Variants in CCDC33 observed in about 807,000 individuals in gnomAD.
The protein encoded by CCDC33 is coiled-coil domain-containing protein 33.
Under a neutral mutation model 91.9 loss-of-function variants are expected in CCDC33, and 94 were observed. The ratio of observed to expected loss-of-function variants is 1.02; its 90% CI spans 0.87 to 1.21. CCDC33 has a LOEUF of 1.21. Ranked by LOEUF, CCDC33 falls within the 50% of genes most tolerant of loss-of-function variation. The pLI, the probability that CCDC33 is intolerant of heterozygous loss-of-function variation, is 0.00. For synonymous variants in CCDC33, 396 were observed against 374.5 expected, an observed-to-expected ratio of 1.06 and a Z score of -0.66; for missense variants, 940 against 935.5, an observed-to-expected ratio of 1.00 and a Z score of -0.06.
At chr15:74,325,029 A>C (rs1437055501) in intron 11 of CCDC33, among the ~76,000 whole-genome samples, 2 of 125,040 alleles carry the variant, frequency 1.6e-5, no homozygotes, top group Non-Finnish European at 3.3e-5. Context: ...GCCCCCTGCC[A>C]ACCTCCTGCT....
intron 15 of CCDC33, among the ~76,000 whole-genome samples, chr15:74,331,503 C>T (rs1379433443): frequency 2.0e-5 from 3 of 152,172 alleles, no homozygotes; most frequent in Non-Finnish European, 4.4e-5. Context: ...TCCCTCCTTC[C>T]CTGGAAGCCC....
intron 2 of CCDC33, among the ~76,000 whole-genome samples, chr15:74,228,535 C>T (rs1332436387): frequency 6.6e-6 from 1 of 152,180 alleles, no homozygotes; most frequent in African/African-American, 2.4e-5. Flanking sequence ...CTTTGGGGAA[C>T]TTGGAAGCTC....
chr15:74,244,151 A>G lies in CCDC33; in HGVS notation c.185+3A>G. On this transcript the variant is annotated splice_donor_region_variant and intron_variant, in intron 2 of 18. Transcript: ENST00000398814. The surrounding 1 kb of genome is among the most constrained non-coding windows in gnomAD (Gnocchi z 4.2). ...GAGCCGTGGCCCTATGTGGTGGTGT[A>G]AGTAGCTGCGTGAGAGTGGGGGCAG... 4 of 1,606,680 alleles carry G rather than the reference A, an allele frequency of 2.5e-6. No individual in the cohort carries two copies. Among genetic ancestry groups the G allele is most frequent in the Non-Finnish European group, 3.4e-6 (4 of 1,175,272 alleles).
Position 74,328,753 on chromosome 15 carries a change from G to T in CCDC33, c.1291-1436G>T, listed in dbSNP as rs186526405. Among the ~76,000 whole-genome samples, 152 of 152,346 alleles carry T rather than the reference G, an allele frequency of 1.0e-3. 1 individual carries two copies. The highest frequency in any genetic ancestry group is 1.5e-3 in the Non-Finnish European group (102 of 68,030). On this transcript the variant is annotated intron_variant, in intron 11 of 18. Coordinates refer to ENST00000398814, the MANE Select transcript of CCDC33 (RefSeq NM_025055.5). ...GAAGCCATGGCCTGCCATGCAGCAG[G>T]TGGGAGGCAGTGGCTGAGAAGGCAG...
chr15:74,283,594 C>G (rs528156393), intron 10 of CCDC33, among the ~76,000 whole-genome samples: 15 of 152,132 alleles, frequency 9.9e-5, no homozygotes, highest in African/African-American at 3.4e-4. Flanking sequence ...AAAATGCTGC[C>G]GAATTCATTT....
chr15:74,222,515 T>C (rs906878723), intron 2 of CCDC33, among the ~76,000 whole-genome samples: 1 of 131,202 alleles, frequency 7.6e-6, no homozygotes, highest in Non-Finnish European at 1.6e-5. Context: ...CAAGGTTGTT[T>C]TTTTTTTCTT....
At chr15:74,204,089 C>G (rs967737890) in intron 1 of CCDC33, among the ~76,000 whole-genome samples, 34 of 152,212 alleles carry the variant, frequency 2.2e-4, no homozygotes, top group African/African-American at 8.0e-4. Context: ...GCCCTTCTTG[C>G]AGGAAGAGGG....
chr15:74,224,334 A>G (rs351178), intron 2 of CCDC33, among the ~76,000 whole-genome samples: 39,919 of 152,104 alleles, frequency 0.26, 5,777 homozygotes, highest in Middle Eastern at 0.37. Context: ...CTCTCCATTC[A>G]TGGGGTCCCT....
At chr15:74,217,701 GCAT>G in intron 1 of CCDC33, 1 of 762,490 alleles carries the variant, frequency 1.3e-6, no homozygotes, top group Non-Finnish European at 1.8e-6. Context: ...GCTCCAGACT[GCAT>G]CCCAAAGCTC....
At chr15:74,246,746 A>G (rs2075543091) in intron 2 of CCDC33, among the ~76,000 whole-genome samples, 1 of 152,254 alleles carries the variant, frequency 6.6e-6, no homozygotes, top group Non-Finnish European at 1.5e-5. Context: ...TGCAGCCATT[A>G]TGGAGCACAG....
chr15:74,243,017 A>G (rs888512144), intron 1 of CCDC33, among the ~76,000 whole-genome samples: 1 of 152,180 alleles, frequency 6.6e-6, no homozygotes, highest in Non-Finnish European at 1.5e-5. Context: ...TCAGCCGGCC[A>G]GGGCTTTGTC....
chr15:74,325,718 C>A (rs560818026), intron 11 of CCDC33, among the ~76,000 whole-genome samples: 1 of 152,250 alleles, frequency 6.6e-6, no homozygotes, highest in African/African-American at 2.4e-5. Flanking sequence ...TTATAAGGAC[C>A]CTAAGTAGCC....
chr15:74,319,095 T>C (rs1021084477), intron 11 of CCDC33, among the ~76,000 whole-genome samples: 8 of 152,078 alleles, frequency 5.3e-5, no homozygotes. Flanking sequence ...GGGCATCCAG[T>C]GGAAGCAGCA....
At chr15:74,238,883 A>T (rs1464964391) in intron 1 of CCDC33, among the ~76,000 whole-genome samples, 1 of 152,228 alleles carries the variant, frequency 6.6e-6, no homozygotes, top group African/African-American at 2.4e-5. Flanking sequence ...TTCCAGTTCC[A>T]GCCCTGGCCT....
intron 1 of CCDC33, among the ~76,000 whole-genome samples, chr15:74,241,513 C>T (rs2075348309): frequency 6.6e-6 from 1 of 152,132 alleles, no homozygotes; most frequent in South Asian, 2.1e-4. Context: ...GCCCGTGGGA[C>T]AAGATGAGGT....
intron 10 of CCDC33, among the ~76,000 whole-genome samples, chr15:74,294,178 C>T (rs1295670009): frequency 2.6e-5 from 4 of 152,124 alleles, no homozygotes; most frequent in Non-Finnish European, 5.9e-5. Flanking sequence ...TGGCAGTGTG[C>T]CCATTGCTCT....
chr15:74,275,999 G>A (rs1315075846), intron 7 of CCDC33, among the ~76,000 whole-genome samples: 1 of 152,214 alleles, frequency 6.6e-6, no homozygotes, highest in Non-Finnish European at 1.5e-5. Context: ...TGGTTTTAAA[G>A]AGCAACTGGA....
chr15:74,315,967 C>G (rs562836587), intron 11 of CCDC33, among the ~76,000 whole-genome samples: 1 of 152,214 alleles, frequency 6.6e-6, no homozygotes, highest in East Asian at 1.9e-4. Flanking sequence ...TCCCTCCCCA[C>G]TCCAGCCAGG....
At chr15:74,333,738 G>A (rs565579248) in intron 16 of CCDC33, 143 bp from the exon 17 acceptor site, 71 of 605,476 alleles carry the variant, frequency 1.2e-4, no homozygotes, top group Admixed American at 3.2e-4. Flanking sequence ...AAGAGGGTTC[G>A]GCCCAGGTCT....
Sources: gnomAD v4.1 joint callset for allele counts (sites outside exome capture counted in the v4.1 genomes callset) on GRCh38, gnomAD v4.1.1 for gene constraint, Gnocchi (gnomAD v3.1) non-coding constraint, MANE v1.5 for transcripts, NCBI Gene and HGNC (gene_info 2026-07-23, HGNC 2026-07-21) for gene names.